SP110: variants seen among roughly 807,000 people sequenced by gnomAD.
SP110 encodes SP110 nuclear body protein, also known as interferon-induced protein 41, 30kD.
A neutral mutation model predicts 92.7 loss-of-function variants in SP110; 62 were observed. That is an observed-to-expected ratio of 0.67 (90% CI 0.55 to 0.83). The LOEUF (loss-of-function observed/expected upper bound fraction) is 0.83. Ranked by LOEUF, SP110 falls within the 40% of genes least tolerant of loss-of-function variation. The pLI is 0.00. For synonymous variants in SP110, 273 were observed against 305.3 expected (o/e 0.89, Z 1.10); for missense variants, 793 against 863.9 (o/e 0.92, Z 1.03).
chr2:230,208,154 A>G, intron 7 of SP110, 95 bp from the exon 8 acceptor site: 1 of 751,808 alleles, frequency 1.3e-6, no homozygotes, highest in Non-Finnish European at 2.3e-6. Flanking sequence ...TCTTCAAACC[A>G]CATTGCTAGA....
chr2:230,222,107 G>A (rs931872586), upstream of SP110, among the ~76,000 whole-genome samples: 1 of 152,078 alleles, frequency 6.6e-6, no homozygotes, highest in Non-Finnish European at 1.5e-5. Context: ...GCACATGCCT[G>A]TAATCCGAGC....
At chr2:230,223,372 T>C (rs1282662620), upstream of SP110, among the ~76,000 whole-genome samples, 1 of 152,182 alleles carries the variant, frequency 6.6e-6, no homozygotes, top group Non-Finnish European at 1.5e-5. Context: ...GTGATCCAGA[T>C]ATCTTTCAAC....
intron 10 of SP110, among the ~76,000 whole-genome samples, chr2:230,196,376 A>G (rs188052571): frequency 6.6e-6 from 1 of 152,274 alleles, no homozygotes. Context: ...AAAATAGATA[A>G]CATTGATACA....
In SP110 at chr2:230,191,423, A is replaced by C. The variant is rs533556481; in HGVS notation, c.1130-5280T>G. ...TAAAGAAGAGAGAGAAGAATCAAAT[A>C]GACAGAATAAAAATGATAAGGGGGA... is the stretch of plus-strand genomic sequence containing the variant. On this transcript the variant is annotated intron_variant, in intron 10 of 18. Coordinates refer to ENST00000258381, the MANE Select transcript of SP110 (RefSeq NM_080424.4). 2.0e-5 allele frequency among the ~76,000 whole-genome samples: 3 copies of C among 152,338 alleles called. No homozygotes were observed. The East Asian group carries it at 5.8e-4, about 29-fold the overall frequency.
intron 13 of SP110, 84 bp from the exon 14 acceptor site, chr2:230,177,764 AC>A: frequency 6.9e-7 from 1 of 1,457,230 alleles, no homozygotes; most frequent in Admixed American, 1.7e-5. Context: ...GTGGCCTTCT[AC>A]CTTTCCAGGT....
At chr2:230,184,433 T>C (rs2042264748) in intron 11 of SP110, among the ~76,000 whole-genome samples, 1 of 152,202 alleles carries the variant, frequency 6.6e-6, no homozygotes, top group South Asian at 2.1e-4. Flanking sequence ...CAGCTGCTAC[T>C]GGCATCTAAT....
At chr2:230,220,513 A>G (rs774835621), upstream of SP110, among the ~76,000 whole-genome samples, 9 of 152,314 alleles carry the variant, frequency 5.9e-5, no homozygotes, top group Middle Eastern at 6.8e-3. Context: ...CATGAACTGG[A>G]ATTGTGCAGA....
Position 230,182,673 on chromosome 2 carries a change from GGGTGTT to G in SP110, c.1348+893_1348+898del, listed in dbSNP as rs1218098654. 2.0e-5 allele frequency among the ~76,000 whole-genome samples: 3 copies of G among 152,246 alleles called. No homozygotes were observed. In the East Asian group the frequency reaches 5.8e-4, roughly 29 times the overall value. ...AGAGACACGGGTAGGGGTGGTTTATGGGTGTTGGTGACATCCTGTGTCTTGAGCTGC... is the reference window on the plus strand; with the variant it reads ...AGAGACACGGGTAGGGGTGGTTTATGGGTGACATCCTGTGTCTTGAGCTGC... On this transcript the variant is annotated intron_variant, in intron 12 of 18. Transcript: ENST00000258381.
upstream of SP110, among the ~76,000 whole-genome samples, chr2:230,220,774 T>C (rs1470519468): frequency 6.6e-6 from 1 of 152,036 alleles, no homozygotes; most frequent in Non-Finnish European, 1.5e-5. Context: ...GAGGCCAAGA[T>C]GGGAGGATTG....
At position 230,169,574 on chromosome 2, in the gene SP110, C is replaced by T. The variant is rs1227589341; in HGVS notation, c.2029-337G>A. On this transcript the variant is annotated intron_variant, in intron 18 of 18. Coordinates refer to ENST00000258381, the MANE Select transcript of SP110 (RefSeq NM_080424.4). ...CTGGCCTCAGATGATTCCCTCACCT[C>T]GGACTCCCAAAAAGCTGGGATTACA... Among the ~76,000 whole-genome samples, 3 of 152,292 alleles carry T rather than the reference C, an allele frequency of 2.0e-5. No individual in the cohort carries two copies. In the South Asian group the frequency reaches 6.2e-4, roughly 32 times the overall value.
intron 10 of SP110, among the ~76,000 whole-genome samples, chr2:230,186,606 T>C (rs2042372726): frequency 6.6e-6 from 1 of 152,224 alleles, no homozygotes; most frequent in Non-Finnish European, 1.5e-5. Context: ...GCACTCTTCG[T>C]CTGAGTAGTG....
At chr2:230,197,724 G>A (rs980592188) in intron 10 of SP110, among the ~76,000 whole-genome samples, 2 of 151,700 alleles carry the variant, frequency 1.3e-5, no homozygotes, top group Admixed American at 1.3e-4. Context: ...TTTTGTATAA[G>A]GTGTAAGGAA....
At chr2:230,182,720 G>A (rs1026494822) in intron 12 of SP110, among the ~76,000 whole-genome samples, 2 of 152,092 alleles carry the variant, frequency 1.3e-5, no homozygotes, top group Non-Finnish European at 2.9e-5. Context: ...GGGTGTGCGG[G>A]TGCATTTTCT....
chr2:230,224,740 G>A (rs1472919316), upstream of SP110, among the ~76,000 whole-genome samples: 4 of 152,308 alleles, frequency 2.6e-5, no homozygotes, highest in Non-Finnish European at 5.9e-5. Context: ...AGGAGCACAT[G>A]TTTTGGAAAA....
intron 10 of SP110, among the ~76,000 whole-genome samples, chr2:230,199,568 A>G (rs2043040041): frequency 1.3e-5 from 2 of 152,056 alleles, no homozygotes; most frequent in Admixed American, 6.6e-5. Context: ...GAACTTTTCT[A>G]TGTTGAAAAA....
intron 13 of SP110, 66 bp downstream of exon 13, chr2:230,178,091 A>G (rs529247952): frequency 1.0e-6 from 1 of 959,514 alleles, no homozygotes; most frequent in East Asian, 2.5e-5. Flanking sequence ...ACACACGGGT[A>G]TTTTCCTCCC....
At chr2:230,191,269 A>G (rs1171334125) in intron 10 of SP110, among the ~76,000 whole-genome samples, 1 of 152,156 alleles carries the variant, frequency 6.6e-6, no homozygotes, top group Non-Finnish European at 1.5e-5. Flanking sequence ...AAGCTAGCAG[A>G]AGACAAGAAA....
intron 12 of SP110, among the ~76,000 whole-genome samples, chr2:230,182,491 G>A (rs2042171957): frequency 6.6e-6 from 1 of 152,072 alleles, no homozygotes; most frequent in Non-Finnish European, 1.5e-5. Flanking sequence ...GAGGTCTGAG[G>A]GTGTATAGCA....
At position 230,201,155 on chromosome 2, in the gene SP110, G is replaced by T. The variant is rs533632944; in HGVS notation, c.1049-190C>A. On this transcript the variant is annotated intron_variant, in intron 9 of 18. Transcript: ENST00000258381. Reference sequence around the variant, plus strand: ...TGTGCCTGTCTGCCACTCAGGGGAGGAGCAGACCGCAGTTGGTTAGCAGTG... The same window carrying T: ...TGTGCCTGTCTGCCACTCAGGGGAGTAGCAGACCGCAGTTGGTTAGCAGTG... Among the ~76,000 whole-genome samples, 81 of 152,282 alleles carry T rather than the reference G, an allele frequency of 5.3e-4. 1 individual carries two copies. Among genetic ancestry groups the T allele is most frequent in the Non-Finnish European group, 9.4e-4 (64 of 68,022 alleles).
Sources: gnomAD v4.1 joint callset for allele counts (sites outside exome capture counted in the v4.1 genomes callset) on GRCh38, gnomAD v4.1.1 for gene constraint, MANE v1.5 for transcripts, NCBI Gene and HGNC (gene_info 2026-07-23, HGNC 2026-07-21) for gene names.